Variants in ZDHHC11B observed in about 807,000 individuals in gnomAD.
ZDHHC11B encodes probable palmitoyltransferase ZDHHC11B.
Under a neutral mutation model 42.3 loss-of-function variants are expected in ZDHHC11B, and 17 were observed. That is an observed-to-expected ratio of 0.40 (90% CI 0.27 to 0.60). The LOEUF is 0.60. Among genes scored for constraint, ZDHHC11B ranks in the 20% least tolerant of loss-of-function variants. The pLI, the probability that ZDHHC11B is intolerant of heterozygous loss-of-function variation, is 0.41. For missense variants in ZDHHC11B, 262 were observed against 463.2 expected, an observed-to-expected ratio of 0.57 and a Z score of 3.99; for synonymous variants, 123 against 193.5, an observed-to-expected ratio of 0.64 and a Z score of 3.02.
chr5:771,546 G>T (rs1230843005), intron 1 of ZDHHC11B, among the ~76,000 whole-genome samples: 1 of 151,576 alleles, frequency 6.6e-6, no homozygotes, highest in Admixed American at 6.6e-5. Context: ...AGGATCCTGG[G>T]GGTGGAAAGG....
chr5:759,031 T>G (rs924466905), intron 4 of ZDHHC11B, among the ~76,000 whole-genome samples: 1 of 151,914 alleles, frequency 6.6e-6, no homozygotes, highest in African/African-American at 2.4e-5. Flanking sequence ...TTTTCTCTGC[T>G]TCTACTTTCA....
intron 1 of ZDHHC11B, among the ~76,000 whole-genome samples, chr5:771,705 C>T (rs901825589): frequency 4.6e-5 from 7 of 151,676 alleles, no homozygotes; most frequent in Admixed American, 3.9e-4. Context: ...GAGAAATTAC[C>T]AGAAGCAATG....
At chr5:739,932 G>A (rs1227201256) in intron 10 of ZDHHC11B, among the ~76,000 whole-genome samples, 1 of 151,506 alleles carries the variant, frequency 6.6e-6, no homozygotes, top group Non-Finnish European at 1.5e-5. Context: ...TAAATACCAT[G>A]GAATACTACT....
At chr5:764,124 C>T (rs1734971295) in intron 4 of ZDHHC11B, among the ~76,000 whole-genome samples, 1 of 151,974 alleles carries the variant, frequency 6.6e-6, no homozygotes, top group African/African-American at 2.4e-5. Context: ...TCCCTGCCTG[C>T]ACCACAGCGA....
At chr5:744,356 G>C in intron 9 of ZDHHC11B, among the ~76,000 whole-genome samples, 1 of 149,472 alleles carries the variant, frequency 6.7e-6, no homozygotes, top group East Asian at 2.0e-4. Flanking sequence ...TCTGTTTTCT[G>C]AAAGAGTCTG....
chr5:756,952 G>A (rs1733940429), intron 4 of ZDHHC11B, among the ~76,000 whole-genome samples: 1 of 151,700 alleles, frequency 6.6e-6, no homozygotes, highest in Non-Finnish European at 1.5e-5. Context: ...CCTCTGTCTT[G>A]GGCCCTCTGG....
chr5:764,604 A>G (rs1735033692), intron 4 of ZDHHC11B, among the ~76,000 whole-genome samples: 1 of 151,918 alleles, frequency 6.6e-6, no homozygotes, highest in Non-Finnish European at 1.5e-5. Context: ...CCTGCGGGGC[A>G]GGGCTCAGGA....
chr5:750,144 G>C (rs1436787487), intron 7 of ZDHHC11B, among the ~76,000 whole-genome samples: 1 of 117,164 alleles, frequency 8.5e-6, no homozygotes, highest in Non-Finnish European at 1.8e-5. Flanking sequence ...GAGACTGGCA[G>C]TCTTGTCCTG....
chr5:741,915 C>CACTGGCAAAAA (rs70955297), intron 9 of ZDHHC11B, among the ~76,000 whole-genome samples: 1 of 56,288 alleles, frequency 1.8e-5, no homozygotes, highest in African/African-American at 5.0e-5. Context: ...ATTTAACTCC[C>CACTGGCAAAAA]ACGCAGGAGA....
chr5:746,633 C>T (rs570158172), intron 8 of ZDHHC11B, among the ~76,000 whole-genome samples: 15 of 148,424 alleles, frequency 1.0e-4, no homozygotes, highest in African/African-American at 1.7e-4. Context: ...CCTGCTCTGC[C>T]ACCTGAGGCA....
intron 7 of ZDHHC11B, among the ~76,000 whole-genome samples, chr5:749,524 G>A (rs936741732): frequency 7.7e-6 from 1 of 129,972 alleles, no homozygotes; most frequent in Non-Finnish European, 1.7e-5. Context: ...TGGACCCCAT[G>A]CTGCCCCCCT....
intron 6 of ZDHHC11B, among the ~76,000 whole-genome samples, chr5:752,619 C>T (rs57941951): frequency 1.2e-5 from 1 of 85,962 alleles, no homozygotes; most frequent in Non-Finnish European, 2.8e-5. Flanking sequence ...CGTCCGAAGA[C>T]GCAGTTAGGG....
At chr5:773,000 C>T (rs559204192) in intron 1 of ZDHHC11B, among the ~76,000 whole-genome samples, 2 of 152,082 alleles carry the variant, frequency 1.3e-5, no homozygotes, top group Admixed American at 1.3e-4. Context: ...GACAGCCAGG[C>T]TGCTGCTGGG....
Position 771,249 on chromosome 5 carries a change from G to A in ZDHHC11B, c.-229-2319C>T, listed in dbSNP as rs554943756. Among the ~76,000 whole-genome samples the A allele has an allele frequency of 7.9e-5, 12 of 151,896 alleles. No homozygotes were observed. In the East Asian group the frequency reaches 1.9e-3, roughly 24 times the overall value. ...GGCTCTGTCATCGTGGGGGTCCTGAGTGTGGCCCCTGCTGAACTTGAGATC... is the reference window on the plus strand; with the variant it reads ...GGCTCTGTCATCGTGGGGGTCCTGAATGTGGCCCCTGCTGAACTTGAGATC... On this transcript the variant is annotated intron_variant, in intron 1 of 13. Transcript: ENST00000508859.
At chr5:760,460 G>C (rs372704448) in intron 4 of ZDHHC11B, among the ~76,000 whole-genome samples, 2 of 151,674 alleles carry the variant, frequency 1.3e-5, no homozygotes, top group African/African-American at 2.4e-5. Flanking sequence ...AGCAGCTTCA[G>C]GGGGAGCAGT....
chr5:766,182 G>C lies in ZDHHC11B; in HGVS notation c.222+516C>G, dbSNP rs1382040568. Among the ~76,000 whole-genome samples the C allele has an allele frequency of 2.6e-5, 4 of 151,826 alleles. 1 individual carries two copies. The highest frequency in any genetic ancestry group is 5.9e-5 in the Non-Finnish European group (4 of 67,906). ...AGGCTCCCACCCGCTGGAAGATGATGGGAGCAGACATGAGTCCCCGCCTGA... is the reference window on the plus strand; with the variant it reads ...AGGCTCCCACCCGCTGGAAGATGATCGGAGCAGACATGAGTCCCCGCCTGA... On this transcript the variant is annotated intron_variant, in intron 4 of 13. Transcript: ENST00000508859.
At chr5:720,089 A>C (rs1742071750) in intron 12 of ZDHHC11B, among the ~76,000 whole-genome samples, 1 of 151,792 alleles carries the variant, frequency 6.6e-6, no homozygotes, top group Non-Finnish European at 1.5e-5. Flanking sequence ...ATGGGGGAGC[A>C]GGAGACTACT....
At chr5:715,759 C>T (rs1254900967) in intron 13 of ZDHHC11B, among the ~76,000 whole-genome samples, 10 of 151,304 alleles carry the variant, frequency 6.6e-5, no homozygotes, top group Admixed American at 6.6e-4. Flanking sequence ...AAAATTTTCA[C>T]AGGATTTACA....
intron 9 of ZDHHC11B, among the ~76,000 whole-genome samples, chr5:743,284 C>T (rs374444849): frequency 2.0e-5 from 3 of 149,620 alleles, no homozygotes; most frequent in Non-Finnish European, 3.0e-5. Context: ...TCTATGTCAG[C>T]GCCACCTGTC....
Sources: gnomAD v4.1 joint callset for allele counts (sites outside exome capture counted in the v4.1 genomes callset) on GRCh38, gnomAD v4.1.1 for gene constraint, MANE v1.5 for transcripts, NCBI Gene and HGNC (gene_info 2026-07-23, HGNC 2026-07-21) for gene names.